HHAT: variants seen among roughly 807,000 people sequenced by gnomAD.
HHAT encodes hedgehog acyltransferase.
HHAT carries 47 observed loss-of-function variants against 70.8 expected under a neutral mutation model. The observed-to-expected ratio is 0.66, with a 90% CI of 0.53 to 0.85. The LOEUF (loss-of-function observed/expected upper bound fraction) is 0.85. Ranked by LOEUF, HHAT falls within the 40% of genes least tolerant of loss-of-function variation. The pLI, the probability that HHAT is intolerant of heterozygous loss-of-function variation, is 0.00. For missense variants in HHAT, 609 were observed against 604.8 expected (o/e 1.01, Z -0.07); for synonymous variants, 228 against 247.6 (o/e 0.92, Z 0.74).
At chr1:210,566,810 C>T (rs1248097999) in intron 9 of HHAT, among the ~76,000 whole-genome samples, 1 of 152,198 alleles carries the variant, frequency 6.6e-6, no homozygotes, top group Non-Finnish European at 1.5e-5. Context: ...TGACCCAGTT[C>T]TTCAGGGATG....
intron 3 of HHAT, among the ~76,000 whole-genome samples, chr1:210,376,555 G>T (rs56381238): frequency 0.18 from 26,797 of 152,188 alleles, 2,678 homozygotes; most frequent in Admixed American, 0.26. Flanking sequence ...GATGGTGGAA[G>T]TAATGGACTG....
At chr1:210,509,320 G>A (rs890481567) in intron 8 of HHAT, among the ~76,000 whole-genome samples, 1 of 152,160 alleles carries the variant, frequency 6.6e-6, no homozygotes, top group Non-Finnish European at 1.5e-5. Context: ...TGCTCAAAAA[G>A]TTTTAGATTT....
intron 9 of HHAT, among the ~76,000 whole-genome samples, chr1:210,538,843 G>A (rs896780012): frequency 1.3e-5 from 2 of 152,176 alleles, no homozygotes; most frequent in Non-Finnish European, 2.9e-5. Context: ...TTGGGAGGCC[G>A]AGGCAGGTGA....
intron 9 of HHAT, among the ~76,000 whole-genome samples, chr1:210,553,523 C>T (rs1174067366): frequency 3.3e-5 from 5 of 152,170 alleles, no homozygotes; most frequent in South Asian, 2.1e-4. Context: ...TAAATTTACC[C>T]GTCTGGGTAT....
chr1:210,555,080 G>A (rs1415040854), intron 9 of HHAT, among the ~76,000 whole-genome samples: 1 of 152,098 alleles, frequency 6.6e-6, no homozygotes, highest in East Asian at 1.9e-4. Context: ...TCACACCCAG[G>A]GACTTGAAGG....
chr1:210,436,029 TTG>T (rs2093366904), intron 7 of HHAT, among the ~76,000 whole-genome samples: 1 of 151,914 alleles, frequency 6.6e-6, no homozygotes, highest in Non-Finnish European at 1.5e-5. Context: ...CCTAGAATCT[TTG>T]CCCAGACCAG....
intron 3 of HHAT, among the ~76,000 whole-genome samples, chr1:210,377,072 T>G (rs1252405031): frequency 6.6e-6 from 1 of 152,246 alleles, no homozygotes; most frequent in Non-Finnish European, 1.5e-5. Flanking sequence ...GTAAGTTCTT[T>G]GAGTGTGAGG....
At chr1:210,655,416 A>C (rs533172111) in intron 11 of HHAT, among the ~76,000 whole-genome samples, 6 of 152,304 alleles carry the variant, frequency 3.9e-5, no homozygotes, top group African/African-American at 1.4e-4. Flanking sequence ...GATTCTGAGC[A>C]GATCAGCCAG....
chr1:210,396,295 C>T (rs774323425), intron 4 of HHAT, among the ~76,000 whole-genome samples: 24 of 152,180 alleles, frequency 1.6e-4, no homozygotes, highest in Non-Finnish European at 3.2e-4. Flanking sequence ...GGCTGTCATC[C>T]TGTGCTCCAG....
intron 8 of HHAT, among the ~76,000 whole-genome samples, chr1:210,505,350 G>A (rs139270775): frequency 6.6e-6 from 1 of 152,302 alleles, no homozygotes; most frequent in African/African-American, 2.4e-5. Context: ...TAAAGATGTT[G>A]CTTGAGACTG....
At position 210,329,007 on chromosome 1, in the gene HHAT, G is replaced by A. The variant is rs2084742994; in HGVS notation, c.-141G>A. On this transcript the variant is annotated 5_prime_UTR_variant, in exon 1 of 12. Transcript: ENST00000261458. ...CGTCCCGGGGAAGCCCGCAGCCGCC[G>A]CCGATGTCGCTGGGACTCGGAAGTG... 2.2e-6 allele frequency: 3 copies of A among 1,385,282 alleles called. No individual in the cohort carries two copies. The highest frequency in any genetic ancestry group is 2.8e-6 in the Non-Finnish European group (3 of 1,069,026). 85.8% of individuals were successfully genotyped at this position (1,385,282 alleles called of 1,614,324 possible).
At chr1:210,336,704 A>C (rs1163859755) in intron 1 of HHAT, among the ~76,000 whole-genome samples, 1 of 152,116 alleles carries the variant, frequency 6.6e-6, no homozygotes, top group African/African-American at 2.4e-5. Flanking sequence ...GGATCTCTTG[A>C]GCCCAGGAAT....
At chr1:210,599,446 T>G (rs1205357840) in intron 10 of HHAT, among the ~76,000 whole-genome samples, 1 of 152,142 alleles carries the variant, frequency 6.6e-6, no homozygotes, top group African/African-American at 2.4e-5. Context: ...TTTGCACGTG[T>G]AATATGGAGC....
chr1:210,509,446 G>C (rs1308088322), intron 8 of HHAT, among the ~76,000 whole-genome samples: 3 of 152,150 alleles, frequency 2.0e-5, no homozygotes, highest in Admixed American at 6.5e-5. Context: ...CCAAGGTACT[G>C]TTCCCTGGGG....
intron 4 of HHAT, among the ~76,000 whole-genome samples, chr1:210,389,476 T>G (rs1193720264): frequency 6.6e-6 from 1 of 152,214 alleles, no homozygotes; most frequent in Non-Finnish European, 1.5e-5. Flanking sequence ...CCCCACGTCT[T>G]GCAGGAGGAG....
At chr1:210,426,504 A>G (rs2093066206) in intron 7 of HHAT, among the ~76,000 whole-genome samples, 1 of 151,978 alleles carries the variant, frequency 6.6e-6, no homozygotes, top group African/African-American at 2.4e-5. Context: ...TATTATTTTG[A>G]GGTATGTTCC....
chr1:210,636,406 G>A (rs568865074), intron 11 of HHAT, among the ~76,000 whole-genome samples: 84 of 152,192 alleles, frequency 5.5e-4, no homozygotes, highest in Non-Finnish European at 9.7e-4. Flanking sequence ...TGTTTTTGAG[G>A]TCCACCTGTT....
intron 8 of HHAT, among the ~76,000 whole-genome samples, chr1:210,475,756 A>G (rs2094296028): frequency 6.6e-6 from 1 of 152,196 alleles, no homozygotes; most frequent in African/African-American, 2.4e-5. Flanking sequence ...TCTTTTTGTA[A>G]TATGGAGGAA....
intron 3 of HHAT, among the ~76,000 whole-genome samples, chr1:210,373,973 A>G (rs2089840920): frequency 6.6e-6 from 1 of 152,134 alleles, no homozygotes; most frequent in Non-Finnish European, 1.5e-5. Context: ...AGATGTCACC[A>G]GGGAAAGTTA....
Sources: gnomAD v4.1 joint callset for allele counts (sites outside exome capture counted in the v4.1 genomes callset) on GRCh38, gnomAD v4.1.1 for gene constraint, MANE v1.5 for transcripts, NCBI Gene and HGNC (gene_info 2026-07-23, HGNC 2026-07-21) for gene names.